DPP10: variants seen among roughly 807,000 people sequenced by gnomAD.
DPP10 encodes inactive dipeptidyl peptidase 10.
A neutral mutation model predicts 120.9 loss-of-function variants in DPP10; 33 were observed. The observed-to-expected ratio is 0.27, with a 90% CI of 0.21 to 0.37. The LOEUF is 0.37. Ranked by LOEUF, DPP10 falls within the 10% of genes least tolerant of loss-of-function variation. The pLI is 1.00. For missense variants in DPP10, 816 were observed against 942.8 expected, an observed-to-expected ratio of 0.87 and a Z score of 1.76; for synonymous variants, 337 against 326.1, an observed-to-expected ratio of 1.03 and a Z score of -0.36.
At chr2:114,737,483 C>A (rs577007408) in intron 1 of DPP10, among the ~76,000 whole-genome samples, 1 of 152,242 alleles carries the variant, frequency 6.6e-6, no homozygotes, top group South Asian at 2.1e-4. Context: ...CTTTCCTAAG[C>A]CCTATTTGTA....
chr2:115,163,247 G>A (rs1446912641), intron 1 of DPP10, among the ~76,000 whole-genome samples: 1 of 152,166 alleles, frequency 6.6e-6, no homozygotes, highest in African/African-American at 2.4e-5. Context: ...CAGGAGTGGT[G>A]GCGAGACACA....
intron 3 of DPP10, among the ~76,000 whole-genome samples, chr2:115,446,008 G>A (rs1339743945): frequency 6.6e-6 from 1 of 152,108 alleles, no homozygotes; most frequent in Non-Finnish European, 1.5e-5. Context: ...TTTGTAAGAT[G>A]GGCCCAGGAT....
At chr2:114,857,782 A>G (rs1689487744) in intron 1 of DPP10, among the ~76,000 whole-genome samples, 1 of 152,158 alleles carries the variant, frequency 6.6e-6, no homozygotes, top group South Asian at 2.1e-4. Flanking sequence ...ATGAGCCCAT[A>G]AAGGAACTTG....
At chr2:115,511,710 C>T (rs1345860883) in intron 4 of DPP10, among the ~76,000 whole-genome samples, 2 of 124,738 alleles carry the variant, frequency 1.6e-5, no homozygotes, top group Non-Finnish European at 1.6e-5. Flanking sequence ...CTTTCTTCTT[C>T]TTCTTCTTCT....
At chr2:114,442,895 C>T (rs1677736829) in intron 1 of DPP10, 57 bp downstream of exon 1, 6 of 1,599,154 alleles carry the variant, frequency 3.8e-6, no homozygotes, top group South Asian at 2.2e-5. Context: ...ATCTACCTAA[C>T]ACATGGGCAT....
chr2:115,091,729 G>A (rs747740943), intron 1 of DPP10, among the ~76,000 whole-genome samples: 3 of 152,164 alleles, frequency 2.0e-5, no homozygotes, highest in South Asian at 2.1e-4. Context: ...CTTTGCTCAC[G>A]GAAGACCCTC....
chr2:115,736,753 G>T (rs1056484502), intron 8 of DPP10, among the ~76,000 whole-genome samples: 4 of 152,152 alleles, frequency 2.6e-5, no homozygotes, highest in Non-Finnish European at 5.9e-5. Context: ...AAGGCTCAGC[G>T]ATGGCCACTA....
intron 1 of DPP10, among the ~76,000 whole-genome samples, chr2:115,072,563 T>G (rs1707454985): frequency 6.6e-6 from 1 of 152,194 alleles, no homozygotes; most frequent in South Asian, 2.1e-4. Context: ...GTGCTATTAC[T>G]GAATTAACAC....
chr2:114,946,659 C>G (rs1161812842), intron 1 of DPP10, among the ~76,000 whole-genome samples: 2 of 151,678 alleles, frequency 1.3e-5, no homozygotes, highest in African/African-American at 4.8e-5. Context: ...TTTTATTATC[C>G]TTTTTATACA....
chr2:115,484,328 C>G (rs1413424341), intron 3 of DPP10, among the ~76,000 whole-genome samples: 1 of 151,824 alleles, frequency 6.6e-6, no homozygotes, highest in East Asian at 1.9e-4. Context: ...TGTAATAGAT[C>G]TGTGGTTTGT....
chr2:114,644,536 C>A (rs1249578045), intron 1 of DPP10, among the ~76,000 whole-genome samples: 1 of 151,876 alleles, frequency 6.6e-6, no homozygotes, highest in African/African-American at 2.4e-5. Context: ...TGGTCTAAGT[C>A]AGTGAGACCC....
At chr2:114,831,359 A>G (rs1038991327) in intron 1 of DPP10, among the ~76,000 whole-genome samples, 1 of 152,160 alleles carries the variant, frequency 6.6e-6, no homozygotes, top group Non-Finnish European at 1.5e-5. Flanking sequence ...GCTGTCCAGT[A>G]TTTCACATTT....
rs781411840 is a variant in DPP10, at chr2:115,343,868, G to A, written c.227G>A (p.Arg76Lys). ...AGATTGTCTTTGGAAGACCTCTTTA[G>A]GAAAGACTTTGTGCTTCACGATCCA... ...ETRLSLEDLF[R>K]KDFVLHDPEA... The change falls in exon 3 of 26, where the codon AGG becomes AAG. Residue 76 changes from arginine to lysine, a missense_variant. By Grantham distance (26) the Arg-to-Lys change is conservative. This residue lies in a region of DPP10 where 182 missense variants were observed against 207.4 expected (regional missense o/e 0.88). Transcript: ENST00000410059. The A allele has an allele frequency of 2.5e-6, 4 of 1,611,642 alleles. No individual in the cohort carries two copies. The Admixed American group carries it at 5.0e-5, about 20-fold the overall frequency.
At chr2:115,782,466 A>T in intron 17 of DPP10, 67 bp downstream of exon 17, 5 of 1,404,380 alleles carry the variant, frequency 3.6e-6, no homozygotes, top group Non-Finnish European at 5.0e-6. Context: ...CGTGTTATCT[A>T]TTCTGAGTCA....
intron 1 of DPP10, among the ~76,000 whole-genome samples, chr2:114,579,082 A>G (rs757553069): frequency 5.9e-5 from 9 of 152,164 alleles, no homozygotes; most frequent in Admixed American, 1.3e-4. Context: ...AGCACCCATC[A>G]TTTATCTTGT....
intron 3 of DPP10, among the ~76,000 whole-genome samples, chr2:115,415,239 C>T (rs1717046): frequency 0.12 from 17,949 of 152,082 alleles, 1,339 homozygotes; most frequent in African/African-American, 0.2. Context: ...TATCTGGCTG[C>T]GCTTTGGCCA....
At chr2:114,569,859 C>T (rs1299159394) in intron 1 of DPP10, among the ~76,000 whole-genome samples, 1 of 152,148 alleles carries the variant, frequency 6.6e-6, no homozygotes, top group Non-Finnish European at 1.5e-5. Flanking sequence ...AACCTATCAG[C>T]CATCTGTTAA....
At chr2:115,017,747 C>T (rs901482068) in intron 1 of DPP10, among the ~76,000 whole-genome samples, 5 of 151,588 alleles carry the variant, frequency 3.3e-5, no homozygotes, top group African/African-American at 4.9e-5. Context: ...AGCAAACTAT[C>T]GCAAGGACAA....
At chr2:115,593,479 C>T (rs891327281) in intron 5 of DPP10, among the ~76,000 whole-genome samples, 6 of 152,000 alleles carry the variant, frequency 3.9e-5, no homozygotes, top group South Asian at 2.1e-4. Flanking sequence ...TTTTTACTGA[C>T]GTTTAAGTTG....
Sources: allele counts gnomAD v4.1 joint callset (sites outside exome capture counted in the v4.1 genomes callset), GRCh38; gene constraint gnomAD v4.1.1; regional missense constraint gnomAD v4.1.1; transcripts MANE v1.5; gene names NCBI Gene and HGNC (gene_info 2026-07-23, HGNC 2026-07-21).